PAG1: variants seen among roughly 807,000 people sequenced by gnomAD.
PAG1 encodes the protein phosphoprotein membrane anchor with glycosphingolipid microdomains 1.
Under a neutral mutation model 31.7 loss-of-function variants are expected in PAG1, and 23 were observed. That is an observed-to-expected ratio of 0.73 (90% CI 0.52 to 1.03). The LOEUF is 1.03. Ranked by LOEUF, PAG1 falls within the 50% of genes least tolerant of loss-of-function variation. The probability of loss-of-function intolerance (pLI) is 0.00; values close to 1 mark genes in which losing one functional copy is unlikely to be tolerated. For missense variants in PAG1, 473 were observed against 540.7 expected (o/e 0.87, Z 1.24); for synonymous variants, 214 against 210.3 (o/e 1.02, Z -0.15).
chr8:80,978,858 C>T (rs948128608), intron 8 of PAG1, among the ~76,000 whole-genome samples: 3 of 152,140 alleles, frequency 2.0e-5, no homozygotes, highest in African/African-American at 7.2e-5. Flanking sequence ...TTTAGCTTCT[C>T]AATTTTTCTC....
At chr8:81,104,387 T>A (rs1586222384) in intron 1 of PAG1, among the ~76,000 whole-genome samples, 1 of 8,648 alleles carries the variant, frequency 1.2e-4, no homozygotes, top group Admixed American at 2.5e-3. Flanking sequence ...GCCTTCGTCC[T>A]TTTTTTTTTT....
chr8:81,088,795 A>G (rs1458682012), intron 1 of PAG1, among the ~76,000 whole-genome samples: 1 of 152,262 alleles, frequency 6.6e-6, no homozygotes, highest in African/African-American at 2.4e-5. Flanking sequence ...AGAGCAAAGG[A>G]AAGTTGTTAT....
chr8:81,002,799 T>C (rs1005580049), intron 3 of PAG1, among the ~76,000 whole-genome samples: 1 of 152,182 alleles, frequency 6.6e-6, no homozygotes, highest in Non-Finnish European at 1.5e-5. Flanking sequence ...AAAACACACA[T>C]CCCTCCAAGT....
intron 3 of PAG1, among the ~76,000 whole-genome samples, chr8:80,997,058 G>C (rs978707240): frequency 6.7e-6 from 1 of 149,916 alleles, no homozygotes; most frequent in African/African-American, 2.5e-5. Context: ...CCTGTGACAT[G>C]GTTATGGTCC....
intron 1 of PAG1, among the ~76,000 whole-genome samples, chr8:81,083,183 T>C (rs1809296881): frequency 6.6e-6 from 1 of 152,148 alleles, no homozygotes; most frequent in African/African-American, 2.4e-5. Flanking sequence ...TTCTTACTGC[T>C]AGTTAGGAGT....
intron 2 of PAG1, among the ~76,000 whole-genome samples, chr8:81,057,161 G>A (rs1808837633): frequency 6.6e-6 from 1 of 152,192 alleles, no homozygotes; most frequent in African/African-American, 2.4e-5. Flanking sequence ...AGACAGTGTG[G>A]CGATTCCTCA....
rs1259499865 is a variant in PAG1 at position 81,047,571 on chromosome 8, C to CTT, written c.-174-17484_-174-17483dup. On this transcript the variant is annotated intron_variant, in intron 2 of 8. Coordinates refer to ENST00000220597, the MANE Select transcript of PAG1 (RefSeq NM_018440.4). ...CAGAAGCCTTTAAAATCAAAAGGCTCTTGTCTCATGCATCTGGGCATGACC... is the reference window on the plus strand; with the variant it reads ...CAGAAGCCTTTAAAATCAAAAGGCTCTTTTGTCTCATGCATCTGGGCATGACC... Among the ~76,000 whole-genome samples the CTT allele has an allele frequency of 2.6e-5, 4 of 152,156 alleles. No homozygotes were observed. The East Asian group carries it at 7.7e-4, about 29-fold the overall frequency.
intron 1 of PAG1, among the ~76,000 whole-genome samples, chr8:81,097,665 T>C (rs1301381952): frequency 6.6e-6 from 1 of 151,676 alleles, no homozygotes; most frequent in Non-Finnish European, 1.5e-5. Flanking sequence ...ATGGTTCACC[T>C]TCAGACAGAG....
At chr8:80,982,001 G>T (rs1418528629) in intron 7 of PAG1, among the ~76,000 whole-genome samples, 2 of 151,828 alleles carry the variant, frequency 1.3e-5, no homozygotes, top group East Asian at 1.9e-4. Flanking sequence ...AAGTAGCTGG[G>T]ACTACAGGTG....
At chr8:81,040,729 G>A (rs899148024) in intron 2 of PAG1, 3 of 151,988 alleles carry the variant, frequency 2.0e-5, no homozygotes, top group African/African-American at 4.8e-5. Context: ...TATACCCCAT[G>A]TTTTACTTTA....
At chr8:81,002,194 G>A (rs1244352522) in intron 3 of PAG1, among the ~76,000 whole-genome samples, 2 of 151,848 alleles carry the variant, frequency 1.3e-5, no homozygotes, top group Non-Finnish European at 2.9e-5. Flanking sequence ...TGGCTTCTGA[G>A]GGCAGTAATT....
At chr8:81,025,735 G>T (rs954245988) in intron 3 of PAG1, among the ~76,000 whole-genome samples, 9 of 152,332 alleles carry the variant, frequency 5.9e-5, no homozygotes, top group Admixed American at 2.6e-4. Context: ...CACAGGAGGA[G>T]GTGCCTGGAA....
intron 3 of PAG1, among the ~76,000 whole-genome samples, chr8:81,018,901 T>G (rs1391790524): frequency 6.6e-6 from 1 of 152,144 alleles, no homozygotes; most frequent in Non-Finnish European, 1.5e-5. Context: ...GAGGTCGGAA[T>G]AGTTTGGAGG....
At chr8:81,056,443 A>G (rs1743380170) in intron 2 of PAG1, among the ~76,000 whole-genome samples, 1 of 152,174 alleles carries the variant, frequency 6.6e-6, no homozygotes, top group Non-Finnish European at 1.5e-5. Context: ...GATCTTTGAC[A>G]AACCTGACAA....
chr8:81,045,558 C>G (rs1383229656), intron 2 of PAG1, among the ~76,000 whole-genome samples: 1 of 152,076 alleles, frequency 6.6e-6, no homozygotes, highest in African/African-American at 2.4e-5. Flanking sequence ...GGGGTGACAG[C>G]CTAGGGGTGA....
chr8:81,049,057 G>A (rs1472824550), intron 2 of PAG1, among the ~76,000 whole-genome samples: 1 of 152,154 alleles, frequency 6.6e-6, no homozygotes, highest in East Asian at 1.9e-4. Context: ...ATTACAGGCA[G>A]GGTGAATATA....
chr8:81,026,418 G>A (rs1808279060), intron 3 of PAG1, among the ~76,000 whole-genome samples: 3 of 148,876 alleles, frequency 2.0e-5, no homozygotes, highest in South Asian at 4.4e-4. Flanking sequence ...TCCCTCGACC[G>A]ATAAACATTT....
chr8:81,085,972 G>GTGTTTTTT (rs1809345255), intron 1 of PAG1, among the ~76,000 whole-genome samples: 1 of 58,876 alleles, frequency 1.7e-5, no homozygotes, highest in African/African-American at 7.3e-5. Flanking sequence ...AATCTGGCTT[G>GTGTTTTTT]TTTTTTTTTT....
intron 1 of PAG1, among the ~76,000 whole-genome samples, chr8:81,109,296 G>C (rs894677949): frequency 6.6e-6 from 1 of 152,210 alleles, no homozygotes; most frequent in African/African-American, 2.4e-5. Context: ...ATAAATTGAG[G>C]ATAATAATGC....
Sources: allele counts gnomAD v4.1 joint callset (sites outside exome capture counted in the v4.1 genomes callset), GRCh38; gene constraint gnomAD v4.1.1; transcripts MANE v1.5; gene names NCBI Gene and HGNC (gene_info 2026-07-23, HGNC 2026-07-21).